The following TMC1 variants were observed in gnomAD, a reference collection of about 807,000 sequenced individuals.
TMC1 encodes the protein transmembrane channel-like protein 1.
A neutral mutation model predicts 105.8 loss-of-function variants in TMC1; 84 were observed. That is an observed-to-expected ratio of 0.79 (90% CI 0.67 to 0.95). The LOEUF is 0.95. TMC1 is among the 40% of genes least tolerant of loss of function. TMC1 has a pLI of 0.00. For missense variants in TMC1, 817 were observed against 914.1 expected, an observed-to-expected ratio of 0.89 and a Z score of 1.37; for synonymous variants, 315 against 311.5, an observed-to-expected ratio of 1.01 and a Z score of -0.12.
At chr9:72,655,697 G>A (rs1456786126) in intron 5 of TMC1, 3 of 388,426 alleles carry the variant, frequency 7.7e-6, no homozygotes, top group South Asian at 2.5e-5. Flanking sequence ...AGCTGAGATC[G>A]CGCCACTGCA....
In TMC1 at chr9:72,791,895, GT is replaced by G. The variant is rs876657727; in HGVS notation, c.1236del (p.Met413CysfsTer4). 1 of 1,612,256 alleles carries G rather than the reference GT, an allele frequency of 6.2e-7. No homozygotes were observed. Among genetic ancestry groups the G allele is most frequent in the Non-Finnish European group, 8.5e-7 (1 of 1,179,760 alleles). On this transcript the variant is annotated frameshift_variant, in exon 16 of 24. Coordinates refer to ENST00000297784, the MANE Select transcript of TMC1 (RefSeq NM_138691.3). LOFTEE classifies it high-confidence loss of function. The stretch of plus-strand genomic sequence containing the variant: ...TTGTGCCTCCTTGTAGATGAACATG[GT>G]TATGTCCCTCCTAGGGATGTTCTGT... ...GWWEKNEMNM[V>X]MSLLGMFCPT...
chr9:72,611,476 C>A (rs1825023240), intron 2 of TMC1, among the ~76,000 whole-genome samples: 1 of 152,148 alleles, frequency 6.6e-6, no homozygotes, highest in African/African-American at 2.4e-5. Flanking sequence ...AACTGAGCAT[C>A]AGTTAGGTCC....
At chr9:72,780,951 C>T (rs1260771295) in intron 13 of TMC1, among the ~76,000 whole-genome samples, 1 of 152,170 alleles carries the variant, frequency 6.6e-6, no homozygotes, top group African/African-American at 2.4e-5. Flanking sequence ...CTGAACTCAA[C>T]ACATGACCAA....
At chr9:72,545,389 G>A (rs561762175) in intron 1 of TMC1, among the ~76,000 whole-genome samples, 1 of 151,782 alleles carries the variant, frequency 6.6e-6, no homozygotes, top group South Asian at 2.1e-4. Flanking sequence ...CAATATTATA[G>A]TTTCTGTTTT....
At chr9:72,549,821 C>T (rs1054227009) in intron 1 of TMC1, among the ~76,000 whole-genome samples, 3 of 151,784 alleles carry the variant, frequency 2.0e-5, no homozygotes, top group African/African-American at 7.3e-5. Flanking sequence ...ATTATGTTGG[C>T]CAGGTTGGTC....
intron 8 of TMC1, among the ~76,000 whole-genome samples, chr9:72,738,148 TACA>T (rs1018960067): frequency 2.0e-4 from 30 of 152,204 alleles, no homozygotes; most frequent in African/African-American, 6.8e-4. Flanking sequence ...CTATGGAAGT[TACA>T]ACAAGACAAG....
chr9:72,772,313 T>C, intron 12 of TMC1, 100 bp from the exon 13 acceptor site: 1 of 1,513,218 alleles, frequency 6.6e-7, no homozygotes, highest in Admixed American at 1.7e-5. Context: ...GACCCAAGTT[T>C]GAAAATTAAT....
At chr9:72,713,103 C>T (rs929689686) in intron 8 of TMC1, among the ~76,000 whole-genome samples, 1 of 152,168 alleles carries the variant, frequency 6.6e-6, no homozygotes, top group Non-Finnish European at 1.5e-5. Flanking sequence ...TTGAACCAGC[C>T]TTGCATCCCC....
At chr9:72,773,888 A>G (rs1203738611) in intron 13 of TMC1, among the ~76,000 whole-genome samples, 4 of 152,190 alleles carry the variant, frequency 2.6e-5, no homozygotes, top group South Asian at 2.1e-4. Flanking sequence ...TCATTAACAG[A>G]TGGCTCAACT....
At chr9:72,798,405 T>G (rs1300105633) in intron 17 of TMC1, among the ~76,000 whole-genome samples, 1 of 151,996 alleles carries the variant, frequency 6.6e-6, no homozygotes, top group Non-Finnish European at 1.5e-5. Flanking sequence ...GACACAGGCA[T>G]GTGAATGTTC....
intron 1 of TMC1, among the ~76,000 whole-genome samples, chr9:72,557,944 G>C (rs977494581): frequency 1.3e-5 from 2 of 152,166 alleles, no homozygotes; most frequent in African/African-American, 2.4e-5. Context: ...AGTGTGGAAG[G>C]CTTCAGACCA....
chr9:72,768,884 C>G (rs891839842), intron 12 of TMC1, among the ~76,000 whole-genome samples: 6 of 152,056 alleles, frequency 3.9e-5, no homozygotes, highest in African/African-American at 1.4e-4. Context: ...GGGGGTGACC[C>G]CCTCTGAAAT....
chr9:72,674,509 C>T lies in TMC1; in HGVS notation c.17-14200C>T, dbSNP rs191789481. 1.2e-3 allele frequency among the ~76,000 whole-genome samples: 188 copies of T among 152,302 alleles called. 4 individuals are homozygous for T. In the East Asian group the frequency reaches 0.034, roughly 28 times the overall value. On this transcript the variant is annotated intron_variant, in intron 5 of 23. Transcript: ENST00000297784. ...AAGGCAGCAGATGCTTATTAACTTT[C>T]CCCGTGCCCTCAGGATGCCTTAAAC...
intron 13 of TMC1, among the ~76,000 whole-genome samples, chr9:72,785,293 C>T (rs1828151815): frequency 6.6e-6 from 1 of 152,134 alleles, no homozygotes; most frequent in South Asian, 2.1e-4. Context: ...AATGACTTTT[C>T]CACTTTAACT....
chr9:72,816,884 G>A (rs1016690349), intron 19 of TMC1, among the ~76,000 whole-genome samples: 1 of 152,030 alleles, frequency 6.6e-6, no homozygotes, highest in Non-Finnish European at 1.5e-5. Context: ...ACTGAATCAC[G>A]ACATCCGATT....
chr9:72,737,663 C>T (rs1827322454), intron 8 of TMC1, among the ~76,000 whole-genome samples: 1 of 152,142 alleles, frequency 6.6e-6, no homozygotes, highest in African/African-American at 2.4e-5. Flanking sequence ...GGCTTCAGTT[C>T]ACCATTTTAG....
intron 1 of TMC1, among the ~76,000 whole-genome samples, chr9:72,569,561 G>A (rs74479077): frequency 0.011 from 1,748 of 152,300 alleles, 38 homozygotes; most frequent in African/African-American, 0.039. Flanking sequence ...TTGGCCAAAT[G>A]AACTATTCTC....
intron 1 of TMC1, among the ~76,000 whole-genome samples, chr9:72,547,489 C>T (rs2132069205): frequency 6.6e-6 from 1 of 152,218 alleles, no homozygotes; most frequent in South Asian, 2.1e-4. Context: ...GCCATAGTTT[C>T]AGCATTGCCA....
chr9:72,569,326 C>T (rs1053849762), intron 1 of TMC1, among the ~76,000 whole-genome samples: 3 of 151,644 alleles, frequency 2.0e-5, no homozygotes, highest in African/African-American at 7.3e-5. Context: ...TCTTTTTAAC[C>T]TATGGTTGGT....
Sources: gnomAD v4.1 joint callset for allele counts (sites outside exome capture counted in the v4.1 genomes callset) on GRCh38, gnomAD v4.1.1 for gene constraint, MANE v1.5 for transcripts, NCBI Gene and HGNC (gene_info 2026-07-23, HGNC 2026-07-21) for gene names.